Variants in TSPAN16 observed in about 807,000 individuals in gnomAD.
TSPAN16 encodes the protein tetraspanin 16, also known as tetraspanin-16.
Under a neutral mutation model 25.2 loss-of-function variants are expected in TSPAN16, and 23 were observed. The observed-to-expected ratio is 0.91, with a 90% CI of 0.66 to 1.29. The LOEUF (loss-of-function observed/expected upper bound fraction) is 1.29, where lower values mean the gene tolerates loss of function less well. TSPAN16 is among the 50% of genes most tolerant of loss of function. The pLI is 0.00. For synonymous variants in TSPAN16, 123 were observed against 124.4 expected, an observed-to-expected ratio of 0.99 and a Z score of 0.08; for missense variants, 272 against 299.9, an observed-to-expected ratio of 0.91 and a Z score of 0.69.
chr19:11,309,366 C>T (rs2080665612), intron 5 of TSPAN16, among the ~76,000 whole-genome samples: 1 of 152,218 alleles, frequency 6.6e-6, no homozygotes, highest in Non-Finnish European at 1.5e-5. Context: ...GACACTGGCC[C>T]ACTGGGCCCT....
intron 6 of TSPAN16, among the ~76,000 whole-genome samples, chr19:11,315,263 A>AATAATAATAATAATAAT (rs2080735374): frequency 7.6e-6 from 1 of 131,608 alleles, no homozygotes; most frequent in African/African-American, 3.6e-5. Flanking sequence ...TAATAATAAT[A>AATAATAATAATAATAAT]ATAATAATAA....
At chr19:11,324,270 AAAAAG>A (rs1232731126) in intron 6 of TSPAN16, 2 of 153,162 alleles carry the variant, frequency 1.3e-5, no homozygotes, top group Non-Finnish European at 2.9e-5. Flanking sequence ...AAAAAAAAAA[AAAAAG>A]AAGTGACTCC....
chr19:11,297,355 T>C (rs1158847451), intron 1 of TSPAN16, among the ~76,000 whole-genome samples: 3 of 152,142 alleles, frequency 2.0e-5, no homozygotes, highest in African/African-American at 4.8e-5. Flanking sequence ...TATTTGGAGA[T>C]TGTGAACAGC....
chr19:11,322,366 G>C (rs947725921), intron 6 of TSPAN16: 1 of 151,670 alleles, frequency 6.6e-6, no homozygotes, highest in African/African-American at 2.4e-5. Context: ...AAAAAAAAAA[G>C]CAGAACTCCA....
Position 11,296,344 on chromosome 19 carries a change from C to G in TSPAN16, c.47C>G (p.Ser16Cys). Residue 16 changes from serine to cysteine, a missense_variant, in exon 1 of 7, where the codon TCT becomes TGT. Ser to Cys is a moderately radical substitution (Grantham distance 112). Transcript: ENST00000590327. Reference sequence around the variant, plus strand: ...TATTCTTCCTTGAAGAAACTGTTATCTTTACTCAATGGCTTCGTGGCTGTA... The same window carrying G: ...TATTCTTCCTTGAAGAAACTGTTATGTTTACTCAATGGCTTCGTGGCTGTA... ...TPYSSLKKLL[S>C]LLNGFVAVSG... The G allele has an allele frequency of 1.9e-6, 3 of 1,614,182 alleles. No homozygotes were observed. The highest frequency in any genetic ancestry group is 2.5e-6 in the Non-Finnish European group (3 of 1,180,026).
At chr19:11,321,686 G>C (rs1163206363) in intron 6 of TSPAN16, among the ~76,000 whole-genome samples, 1 of 152,136 alleles carries the variant, frequency 6.6e-6, no homozygotes, top group Admixed American at 6.6e-5. Context: ...GTAGGGAAGG[G>C]ATGGATCAGA....
chr19:11,315,557 A>AAAATAAAT lies in TSPAN16; in HGVS notation c.688-214_688-207dup, dbSNP rs201093332. Among the ~76,000 whole-genome samples, 1,470 of 147,808 alleles carry AAAATAAAT rather than the reference A, an allele frequency of 9.9e-3. 23 individuals carry two copies. Among genetic ancestry groups the AAAATAAAT allele is most frequent in the East Asian group, 0.042 (210 of 4,994 alleles). ...GGCGACAGAGGGAGACTTCATCTCAAAAATAAATAAATAAATAAATAAATA... is the reference window on the plus strand; with the variant it reads ...GGCGACAGAGGGAGACTTCATCTCAAAAATAAATAAATAAATAAATAAATAAATAAATA... On this transcript the variant is annotated intron_variant, in intron 6 of 6. Coordinates refer to ENST00000590327, the MANE Select transcript of TSPAN16 (RefSeq NM_001282509.2).
At chr19:11,303,962 A>G (rs2080598738) in intron 4 of TSPAN16, among the ~76,000 whole-genome samples, 1 of 151,454 alleles carries the variant, frequency 6.6e-6, no homozygotes, top group African/African-American at 2.4e-5. Flanking sequence ...TTTTGTCTCT[A>G]GTAGAGACAG....
downstream of TSPAN16, among the ~76,000 whole-genome samples, chr19:11,316,130 T>TGG (rs2080747935): frequency 1.7e-5 from 2 of 117,380 alleles, no homozygotes; most frequent in Non-Finnish European, 3.8e-5. Flanking sequence ...TTTTTTTTTT[T>TGG]TTTCCTTTTG....
chr19:11,307,332 C>T (rs1057388719), intron 5 of TSPAN16, among the ~76,000 whole-genome samples: 1 of 150,322 alleles, frequency 6.7e-6, no homozygotes, highest in African/African-American at 2.4e-5. Flanking sequence ...GTTGGCCAGG[C>T]TGGTCTCAAA....
At chr19:11,306,834 A>T in intron 5 of TSPAN16, 78 bp downstream of exon 5, 1 of 1,439,458 alleles carries the variant, frequency 6.9e-7, no homozygotes, top group Non-Finnish European at 9.4e-7. Context: ...TCTTATTTTG[A>T]GAAAGAGTTT....
chr19:11,306,822 T>G, intron 5 of TSPAN16, 66 bp downstream of exon 5: 1 of 1,490,672 alleles, frequency 6.7e-7, no homozygotes, highest in Admixed American at 2.1e-5. Context: ...TTTTTATTTT[T>G]ATCTTATTTT....
At chr19:11,310,271 G>A (rs371656176) in intron 5 of TSPAN16, among the ~76,000 whole-genome samples, 41 of 151,816 alleles carry the variant, frequency 2.7e-4, no homozygotes, top group Middle Eastern at 3.4e-3. Context: ...CACGCCTGTA[G>A]TCCCAGCACT....
chr19:11,300,881 T>A (rs1039297823), intron 3 of TSPAN16: 1 of 203,936 alleles, frequency 4.9e-6, no homozygotes, highest in Non-Finnish European at 1.0e-5. Context: ...TTCAATTCTT[T>A]AATGGAGTTA....
At chr19:11,321,083 T>G (rs1480790314) in intron 6 of TSPAN16, among the ~76,000 whole-genome samples, 3 of 150,898 alleles carry the variant, frequency 2.0e-5, no homozygotes, top group African/African-American at 4.9e-5. Context: ...GCAGGAGAAT[T>G]GCTTGAACCT....
chr19:11,323,088 G>A (rs927459784), intron 6 of TSPAN16: 1 of 151,416 alleles, frequency 6.6e-6, no homozygotes, highest in Non-Finnish European at 1.5e-5. Context: ...CTGCGGCCTG[G>A]GCGACGAGCG....
intron 4 of TSPAN16, among the ~76,000 whole-genome samples, chr19:11,303,577 T>TAAAAAAAAA (rs1322861353): frequency 3.8e-5 from 3 of 78,300 alleles, no homozygotes; most frequent in Non-Finnish European, 8.1e-5. Flanking sequence ...ATAAATAAAT[T>TAAAAAAAAA]AAAAAAAAAA....
intron 4 of TSPAN16, among the ~76,000 whole-genome samples, chr19:11,306,222 C>G: frequency 6.6e-6 from 1 of 152,010 alleles, no homozygotes; most frequent in East Asian, 1.9e-4. Flanking sequence ...AGAGACAGGT[C>G]TTGCTCTGTT....
chr19:11,301,366 G>A (rs2080547061), intron 4 of TSPAN16, 58 bp downstream of exon 4: 8 of 1,360,478 alleles, frequency 5.9e-6, no homozygotes, highest in Middle Eastern at 1.8e-4. Flanking sequence ...ATGGGCGGGC[G>A]AAGTGGCTCA....
Sources: allele counts gnomAD v4.1 joint callset (sites outside exome capture counted in the v4.1 genomes callset), GRCh38; gene constraint gnomAD v4.1.1; transcripts MANE v1.5; gene names NCBI Gene and HGNC (gene_info 2026-07-23, HGNC 2026-07-21).